Variants in NCALD observed in about 807,000 individuals in gnomAD.
NCALD encodes the protein neurocalcin-delta.
A neutral mutation model predicts 18.6 loss-of-function variants in NCALD; 10 were observed. That is an observed-to-expected ratio of 0.54 (90% CI 0.33 to 0.91). NCALD has a LOEUF of 0.91. Ranked by LOEUF, NCALD falls within the 40% of genes least tolerant of loss-of-function variation. NCALD has a pLI of 0.03. For missense variants in NCALD, 184 were observed against 247.6 expected (o/e 0.74, Z 1.72); for synonymous variants, 88 against 87.4 (o/e 1.01, Z -0.04).
chr8:102,014,151 A>T (rs1020698299), intron 2 of NCALD, among the ~76,000 whole-genome samples: 1 of 152,228 alleles, frequency 6.6e-6, no homozygotes. Context: ...CTGCTATAAT[A>T]AAATACCATA....
chr8:102,085,258 A>G (rs558502554), intron 1 of NCALD, among the ~76,000 whole-genome samples: 25 of 152,314 alleles, frequency 1.6e-4, no homozygotes, highest in African/African-American at 5.8e-4. Context: ...GCCACTAGGA[A>G]ACTGCCACCC....
Position 101,943,479 on chromosome 8 carries a change from T to C in NCALD, c.-156-27621A>G, listed in dbSNP as rs147847387. Among the ~76,000 whole-genome samples, 12 of 152,252 alleles carry C rather than the reference T, an allele frequency of 7.9e-5. No homozygotes were observed. In the East Asian group the frequency reaches 2.3e-3, roughly 29 times the overall value. On this transcript the variant is annotated intron_variant, in intron 2 of 6. Transcript: ENST00000311028. ...CTATGAATACAAATGACTATGGCTA[T>C]TGTGATTAGAAGCAGAAGAAAACCA...
chr8:102,011,073 G>C (rs950343169), intron 2 of NCALD, among the ~76,000 whole-genome samples: 2 of 152,152 alleles, frequency 1.3e-5, no homozygotes, highest in African/African-American at 4.8e-5. Flanking sequence ...ACATGGACAA[G>C]AGACATTGTT....
At chr8:101,949,253 G>C (rs1199503871) in intron 2 of NCALD, among the ~76,000 whole-genome samples, 1 of 152,090 alleles carries the variant, frequency 6.6e-6, no homozygotes. Context: ...TTATCCAAGA[G>C]ATCAAGAAAA....
intron 2 of NCALD, among the ~76,000 whole-genome samples, chr8:101,708,137 G>A (rs1815618919): frequency 1.3e-5 from 2 of 152,164 alleles, no homozygotes; most frequent in Non-Finnish European, 2.9e-5. Flanking sequence ...AATGCATGAT[G>A]TGTGACTGTG....
chr8:102,081,173 GCTCTT>G (rs1216813286), intron 1 of NCALD, among the ~76,000 whole-genome samples: 2 of 152,014 alleles, frequency 1.3e-5, no homozygotes, highest in Non-Finnish European at 2.9e-5. Context: ...TCTGTTGGTG[GCTCTT>G]CTCTTATTGT....
At chr8:101,761,222 C>T (rs1811095624) in intron 1 of NCALD, among the ~76,000 whole-genome samples, 1 of 152,200 alleles carries the variant, frequency 6.6e-6, no homozygotes, top group Admixed American at 6.5e-5. Flanking sequence ...ACACTTAGCT[C>T]TGTCTTTTAG....
At chr8:101,764,768 A>G (rs1195092977) in intron 1 of NCALD, among the ~76,000 whole-genome samples, 6 of 152,234 alleles carry the variant, frequency 3.9e-5, no homozygotes, top group Admixed American at 2.0e-4. Context: ...TAATCCTCCT[A>G]ATAGTTTTGC....
At chr8:102,002,745 A>G (rs6986832) in intron 2 of NCALD, among the ~76,000 whole-genome samples, 39,355 of 152,144 alleles carry the variant, frequency 0.26, 5,995 homozygotes, top group Admixed American at 0.35. Flanking sequence ...GCTCAACTAC[A>G]TGGAAACTGA....
chr8:101,888,281 T>C (rs1040076014), intron 3 of NCALD, among the ~76,000 whole-genome samples: 2 of 152,140 alleles, frequency 1.3e-5, no homozygotes, highest in African/African-American at 2.4e-5. Context: ...TATTTGAGGA[T>C]ATGTGTCTAT....
intron 1 of NCALD, among the ~76,000 whole-genome samples, chr8:102,059,777 C>G (rs1162964724): frequency 6.6e-6 from 1 of 152,132 alleles, no homozygotes; most frequent in African/African-American, 2.4e-5. Context: ...CACTCCCTGT[C>G]CCAGTCTTAA....
intron 2 of NCALD, among the ~76,000 whole-genome samples, chr8:101,961,415 G>A (rs1651721762): frequency 2.0e-5 from 3 of 152,110 alleles, no homozygotes; most frequent in South Asian, 4.1e-4. Context: ...TATTTCTCAG[G>A]TATCTTCCAG....
chr8:101,704,720 C>A (rs563906735), intron 2 of NCALD, among the ~76,000 whole-genome samples: 15 of 150,818 alleles, frequency 9.9e-5, no homozygotes, highest in African/African-American at 3.7e-4. Flanking sequence ...GAGTTCAAGA[C>A]CAGCCTGGCC....
At chr8:101,716,211 A>T (rs1206725736) in intron 2 of NCALD, among the ~76,000 whole-genome samples, 1 of 152,142 alleles carries the variant, frequency 6.6e-6, no homozygotes, top group Non-Finnish European at 1.5e-5. Context: ...CAGCAAACTA[A>T]CACAGGAACA....
intron 1 of NCALD, among the ~76,000 whole-genome samples, chr8:101,731,465 A>G (rs760645045): frequency 4.6e-5 from 7 of 152,228 alleles, no homozygotes; most frequent in Admixed American, 2.6e-4. Flanking sequence ...GCAAGCTTAC[A>G]TACCCCCTAA....
At position 102,037,115 on chromosome 8, in the gene NCALD, G is replaced by A. The variant is rs150660356; in HGVS notation, c.-209-16826C>T. On this transcript the variant is annotated intron_variant, in intron 1 of 6. Transcript: ENST00000311028. ...TCTCCCTCAGAAGATAGAATTGTACGTAACCACTAACAAAAGCAAGCAGTT... is the reference window on the plus strand; with the variant it reads ...TCTCCCTCAGAAGATAGAATTGTACATAACCACTAACAAAAGCAAGCAGTT... Among the ~76,000 whole-genome samples the A allele has an allele frequency of 4.0e-3, 612 of 152,204 alleles. 1 individual carries two copies. Among genetic ancestry groups the A allele is most frequent in the African/African-American group, 0.014 (562 of 41,520 alleles).
chr8:102,102,617 C>T (rs1012160129), intron 1 of NCALD, among the ~76,000 whole-genome samples: 1 of 152,084 alleles, frequency 6.6e-6, no homozygotes, highest in Non-Finnish European at 1.5e-5. Flanking sequence ...CGAGGCATGA[C>T]CCCCCAGCCC....
chr8:101,871,786 C>T (rs1415373682), intron 4 of NCALD: 5 of 300,186 alleles, frequency 1.7e-5, no homozygotes, highest in East Asian at 1.3e-4. Flanking sequence ...GAAATCCAGA[C>T]AATTTGTCAC....
chr8:101,778,962 T>C (rs1332731712), intron 1 of NCALD, among the ~76,000 whole-genome samples: 1 of 152,026 alleles, frequency 6.6e-6, no homozygotes, highest in Non-Finnish European at 1.5e-5. Context: ...TAAAAGTTCA[T>C]GGGAGAGGGA....
Sources: allele counts gnomAD v4.1 joint callset (sites outside exome capture counted in the v4.1 genomes callset), GRCh38; gene constraint gnomAD v4.1.1; transcripts MANE v1.5; gene names NCBI Gene and HGNC (gene_info 2026-07-23, HGNC 2026-07-21).